Variants in CACNA1B observed in about 807,000 individuals in gnomAD.
CACNA1B encodes voltage-dependent N-type calcium channel subunit alpha-1B.
A neutral mutation model predicts 247.2 loss-of-function variants in CACNA1B; 70 were observed. The observed-to-expected ratio is 0.28, with a 90% CI of 0.23 to 0.35. The LOEUF is 0.35. Among genes scored for constraint, CACNA1B ranks in the 10% least tolerant of loss-of-function variants. The pLI is 1.00. For synonymous variants in CACNA1B, 1,231 were observed against 1,294.4 expected (o/e 0.95, Z 1.05); for missense variants, 2,367 against 3,197.4 (o/e 0.74, Z 6.26).
rs1259059752 is a variant in CACNA1B at position 137,986,308 on chromosome 9, C to A, written c.1770-105C>A. ...CTAACTTCACACCTAGGTGTGCAGC[C>A]CTCAGGGTTTAGAAAGTCAGTGGAG... On this transcript the variant is annotated intron_variant, in intron 13 of 46. Coordinates refer to ENST00000371372, the MANE Select transcript of CACNA1B (RefSeq NM_000718.4). The surrounding 1 kb of genome is among the most constrained non-coding windows in gnomAD (Gnocchi z 6.0). 7.8e-7 allele frequency: 1 copy of A among 1,276,450 alleles called. No individual in the cohort carries two copies. Among genetic ancestry groups the A allele is most frequent in the Non-Finnish European group, 1.1e-6 (1 of 912,868 alleles). 79.1% of individuals were successfully genotyped at this position (1,276,450 alleles called of 1,614,324 possible).
chr9:137,980,371 C>T (rs1958280202), intron 12 of CACNA1B, among the ~76,000 whole-genome samples: 4 of 152,248 alleles, frequency 2.6e-5, no homozygotes, highest in Admixed American at 2.6e-4. Flanking sequence ...ATGTGTGAGG[C>T]ACCCTCAATC....
intron 20 of CACNA1B, among the ~76,000 whole-genome samples, chr9:138,025,921 G>A (rs991067694): frequency 6.6e-6 from 1 of 152,206 alleles, no homozygotes; most frequent in Non-Finnish European, 1.5e-5. Flanking sequence ...GTAGAAGAGA[G>A]GCCATAGAAA....
chr9:138,065,061 G>T lies in CACNA1B; in HGVS notation c.4669-4697G>T, dbSNP rs546824090. On this transcript the variant is annotated intron_variant, in intron 31 of 46. Coordinates refer to ENST00000371372, the MANE Select transcript of CACNA1B (RefSeq NM_000718.4). ...CACCTCATTTAATGTGGGCTATGAG[G>T]TTTTCCAAGCTCCTGGGAGTCATCC... Among the ~76,000 whole-genome samples, 64 of 152,332 alleles carry T rather than the reference G, an allele frequency of 4.2e-4. 2 individuals are homozygous for T. The South Asian group carries it at 6.8e-3, about 16-fold the overall frequency.
rs761991995 is a variant in CACNA1B at position 138,120,609 on chromosome 9, ACTT to A, written c.6239-16_6239-14del. 1.6e-5 allele frequency: 24 copies of A among 1,480,918 alleles called. No homozygotes were observed. Among genetic ancestry groups the A allele is most frequent in the Admixed American group, 8.1e-5 (3 of 37,192 alleles). 91.7% of individuals were successfully genotyped at this position (1,480,918 alleles called of 1,614,324 possible). A position where few individuals can be genotyped will look rare whatever the true frequency, so the allele number is the denominator to read the frequency against. ...CCCTGCCTTGGGCCTGGCCGTGCTAACTTCTTCTCTTCCCTGGCCAGCACCAAG... is the reference window on the plus strand; with the variant it reads ...CCCTGCCTTGGGCCTGGCCGTGCTAACTTCTCTTCCCTGGCCAGCACCAAG... On this transcript the variant is annotated intron_variant, in intron 45 of 46. Transcript: ENST00000371372.
At chr9:137,960,204 G>C (rs1159236397) in intron 10 of CACNA1B, among the ~76,000 whole-genome samples, 172 of 147,154 alleles carry the variant, frequency 1.2e-3, no homozygotes, top group East Asian at 1.6e-3. Context: ...GTGAGGGGGA[G>C]GGGGAGGGAA....
intron 12 of CACNA1B, among the ~76,000 whole-genome samples, chr9:137,978,759 G>T (rs1328990110): frequency 6.6e-6 from 1 of 152,222 alleles, no homozygotes; most frequent in Non-Finnish European, 1.5e-5. Flanking sequence ...TGATGATAAC[G>T]GCAGACATTG....
chr9:138,017,637 G>C (rs1258005046), intron 18 of CACNA1B, among the ~76,000 whole-genome samples: 1 of 152,178 alleles, frequency 6.6e-6, no homozygotes, highest in African/African-American at 2.4e-5. Context: ...CCCCTTACTT[G>C]GGAGGGACTG....
rs1285381792 is a variant in CACNA1B at position 138,059,835 on chromosome 9, C to G, written c.4668+98C>G. Reference sequence around the variant, plus strand: ...TCTCCAGGCCCTGTGTTAGCCTCTTCCTGGGTTCCGCAGAACCCCCTGGAC... The same window carrying G: ...TCTCCAGGCCCTGTGTTAGCCTCTTGCTGGGTTCCGCAGAACCCCCTGGAC... On this transcript the variant is annotated intron_variant, in intron 31 of 46. Transcript: ENST00000371372. This position sits in a 1 kb window ranked among gnomAD's most constrained non-coding sequence, Gnocchi z 4.2. 2.8e-5 allele frequency: 21 copies of G among 750,956 alleles called. No individual in the cohort carries two copies. Among genetic ancestry groups the G allele is most frequent in the Non-Finnish European group, 3.3e-5 (14 of 420,602 alleles). 46.5% of individuals were successfully genotyped at this position (750,956 alleles called of 1,614,324 possible).
intron 20 of CACNA1B, among the ~76,000 whole-genome samples, chr9:138,034,687 T>G (rs1959022563): frequency 6.6e-6 from 1 of 152,102 alleles, no homozygotes; most frequent in Non-Finnish European, 1.5e-5. Context: ...AACTTATTGT[T>G]GTGTCATTCC....
At chr9:137,991,314 C>G (rs926253000) in intron 15 of CACNA1B, among the ~76,000 whole-genome samples, 1 of 152,158 alleles carries the variant, frequency 6.6e-6, no homozygotes, top group Non-Finnish European at 1.5e-5. Flanking sequence ...TAGAATCGAA[C>G]AAGCTGAAGA....
In CACNA1B at chr9:137,950,976, A is replaced by T. The variant is rs1957871293; in HGVS notation, c.967-1298A>T. On this transcript the variant is annotated intron_variant, in intron 6 of 46. Coordinates refer to ENST00000371372, the MANE Select transcript of CACNA1B (RefSeq NM_000718.4). The surrounding 1 kb of genome is among the most constrained non-coding windows in gnomAD (Gnocchi z 4.8). ...TAGAGCCAGTTGGCTACTGATGGGAACACTCCACTGGGGAGGGAAATTGCG... is the reference window on the plus strand; with the variant it reads ...TAGAGCCAGTTGGCTACTGATGGGATCACTCCACTGGGGAGGGAAATTGCG... Among the ~76,000 whole-genome samples the T allele has an allele frequency of 1.3e-5, 2 of 152,218 alleles. No homozygotes were observed. Among genetic ancestry groups the T allele is most frequent in the Non-Finnish European group, 2.9e-5 (2 of 68,042 alleles).
intron 20 of CACNA1B, among the ~76,000 whole-genome samples, 191 bp from the exon 21 acceptor site, chr9:138,043,583 G>A (rs1959156775): frequency 6.6e-6 from 1 of 152,196 alleles, no homozygotes; most frequent in Non-Finnish European, 1.5e-5. Context: ...CGTCTCTGCG[G>A]CAGATGGTGG....
chr9:138,033,648 G>GTTTCA (rs1463563878), intron 20 of CACNA1B, among the ~76,000 whole-genome samples: 1 of 152,208 alleles, frequency 6.6e-6, no homozygotes, highest in Non-Finnish European at 1.5e-5. Context: ...TTGACTCATA[G>GTTTCA]TTTCACATTG....
chr9:138,050,162 C>T lies in CACNA1B; in HGVS notation c.3710+847C>T. ...CAGCCCCTCTTGGGTCATTTCATCT[C>T]CAGCCTCACCCCCCGCCCATCCACT... is the stretch of plus-strand genomic sequence containing the variant. On this transcript the variant is annotated intron_variant, in intron 24 of 46. Coordinates refer to ENST00000371372, the MANE Select transcript of CACNA1B (RefSeq NM_000718.4). The surrounding 1 kb of genome is among the most constrained non-coding windows in gnomAD (Gnocchi z 5.2). The T allele has an allele frequency of 9.5e-7, 1 of 1,054,358 alleles. No individual in the cohort carries two copies. Among genetic ancestry groups the T allele is most frequent in the Admixed American group, 2.3e-5 (1 of 43,280 alleles). The allele number at this position is 1,054,358 out of a possible 1,614,324, so 65.3% of individuals were successfully genotyped here. A position where few individuals can be genotyped will look rare whatever the true frequency, so the allele number is the denominator to read the frequency against.
rs566064460 is a variant in CACNA1B at position 138,061,459 on chromosome 9, C to T, written c.4668+1722C>T. On this transcript the variant is annotated intron_variant, in intron 31 of 46. Coordinates refer to ENST00000371372, the MANE Select transcript of CACNA1B (RefSeq NM_000718.4). ...ATTTTACTGATTGGGCACCCAGTACCATCGATTGGCCGTTGGTTCATCTTG... is the reference window on the plus strand; with the variant it reads ...ATTTTACTGATTGGGCACCCAGTACTATCGATTGGCCGTTGGTTCATCTTG... 8.5e-5 allele frequency among the ~76,000 whole-genome samples: 13 copies of T among 152,294 alleles called. No individual in the cohort carries two copies. The South Asian group carries it at 2.1e-3, about 24-fold the overall frequency.
At chr9:138,046,686 C>G (rs1332741141) in intron 21 of CACNA1B, among the ~76,000 whole-genome samples, 1 of 152,244 alleles carries the variant, frequency 6.6e-6, no homozygotes, top group East Asian at 1.9e-4. Context: ...GCCTTCCCCA[C>G]CCCCCGTCCC....
chr9:138,059,642 CT>C lies in CACNA1B; in HGVS notation c.4585-7del. The C allele has an allele frequency of 6.4e-7, 1 of 1,563,580 alleles. No individual in the cohort carries two copies. Among genetic ancestry groups the C allele is most frequent in the Non-Finnish European group, 8.8e-7 (1 of 1,134,054 alleles). The stretch of plus-strand genomic sequence containing the variant: ...TCAGCCGCTGGCACTAACTGCTCTT[CT>C]TTTTCTCTAGAACTATTTCAGAGAT... On this transcript the variant is annotated splice_polypyrimidine_tract_variant and intron_variant, in intron 30 of 46. Coordinates refer to ENST00000371372, the MANE Select transcript of CACNA1B (RefSeq NM_000718.4). This position sits in a 1 kb window ranked among gnomAD's most constrained non-coding sequence, Gnocchi z 4.2.
At chr9:138,048,233 G>A (rs1007969518) in intron 23 of CACNA1B, among the ~76,000 whole-genome samples, 1 of 152,136 alleles carries the variant, frequency 6.6e-6, no homozygotes, top group Non-Finnish European at 1.5e-5. Flanking sequence ...TTATGTTACC[G>A]GCCTAGAATC....
chr9:138,107,220 T>TTA (rs1485712362), intron 39 of CACNA1B, among the ~76,000 whole-genome samples: 1 of 84,956 alleles, frequency 1.2e-5, no homozygotes, highest in Non-Finnish European at 2.3e-5. Context: ...TCATCTTATT[T>TTA]TATTTATTTA....
Sources: allele counts gnomAD v4.1 joint callset (sites outside exome capture counted in the v4.1 genomes callset), GRCh38; gene constraint gnomAD v4.1.1; non-coding constraint Gnocchi (gnomAD v3.1); transcripts MANE v1.5; gene names NCBI Gene and HGNC (gene_info 2026-07-23, HGNC 2026-07-21).